The following PARPBP variants were observed in gnomAD, a reference collection of about 807,000 sequenced individuals.
PARPBP encodes PARP1 binding protein, also known as PCNA-interacting partner.
PARPBP carries 52 observed loss-of-function variants against 50.0 expected under a neutral mutation model. The ratio of observed to expected loss-of-function variants is 1.04; its 90% CI spans 0.83 to 1.31. The LOEUF (loss-of-function observed/expected upper bound fraction) is 1.31, where lower values mean the gene tolerates loss of function less well. Among genes scored for constraint, PARPBP ranks in the 50% most tolerant of loss-of-function variants. The pLI is 0.00. For missense variants in PARPBP, 697 were observed against 672.0 expected (o/e 1.04, Z -0.41); for synonymous variants, 244 against 232.1 (o/e 1.05, Z -0.47).
chr12:102,153,330 C>T (rs1349124101), intron 3 of PARPBP, among the ~76,000 whole-genome samples: 2 of 152,230 alleles, frequency 1.3e-5, no homozygotes, highest in African/African-American at 2.4e-5. Context: ...TCCCACGTGG[C>T]ATGGCCAGCC....
intron 6 of PARPBP, among the ~76,000 whole-genome samples, chr12:102,171,655 A>G (rs1033628664): frequency 9.2e-5 from 14 of 152,108 alleles, no homozygotes; most frequent in Admixed American, 5.9e-4. Flanking sequence ...TCACGAGGTC[A>G]GGAGATCGAG....
chr12:102,169,650 C>T (rs929441284), intron 6 of PARPBP, among the ~76,000 whole-genome samples: 2 of 152,118 alleles, frequency 1.3e-5, no homozygotes, highest in Admixed American at 1.3e-4. Flanking sequence ...TGGACCTTTT[C>T]ACGTGTCACT....
Position 102,123,981 on chromosome 12 carries a change from A to C in PARPBP, c.93A>C (p.Leu31=). 2 of 1,534,010 alleles carry C rather than the reference A, an allele frequency of 1.3e-6. No homozygotes were observed. Among genetic ancestry groups the C allele is most frequent in the South Asian group, 1.2e-5 (1 of 84,034 alleles). ...TTTGTAACTCTGAGAGAACTACTCT[A>C]TGTGGTGCAGACTCCATGCTCTTGG... is the stretch of plus-strand genomic sequence containing the variant. ...RALCNSERTT[L]CGADSMLLAL... The change falls in exon 2 of 11, where the codon CTA becomes CTC. Residue 31 remains leucine, a synonymous_variant. Transcript: ENST00000327680.
chr12:102,193,640 G>A (rs1891006172), intron 9 of PARPBP, among the ~76,000 whole-genome samples: 1 of 151,968 alleles, frequency 6.6e-6, no homozygotes, highest in Non-Finnish European at 1.5e-5. Context: ...AAAGTTCATG[G>A]ATAATGCTAC....
intron 3 of PARPBP, chr12:102,152,113 C>A: frequency 3.4e-6 from 1 of 297,118 alleles, no homozygotes; most frequent in Non-Finnish European, 6.5e-6. Flanking sequence ...GCTGCTTCCT[C>A]GCTCCTCTTC....
At chr12:102,190,691 G>A (rs1249046618) in intron 9 of PARPBP, among the ~76,000 whole-genome samples, 2 of 152,124 alleles carry the variant, frequency 1.3e-5, no homozygotes, top group African/African-American at 4.8e-5. Flanking sequence ...ACCCTGTAAG[G>A]AGGGGATGGC....
At chr12:102,140,443 T>C (rs1884391428) in intron 2 of PARPBP, among the ~76,000 whole-genome samples, 1 of 152,184 alleles carries the variant, frequency 6.6e-6, no homozygotes, top group Non-Finnish European at 1.5e-5. Context: ...AGCTCCTGGG[T>C]TCATTGATTT....
chr12:102,142,236 T>A (rs1594487298), intron 2 of PARPBP, among the ~76,000 whole-genome samples: 1 of 152,246 alleles, frequency 6.6e-6, no homozygotes, highest in African/African-American at 2.4e-5. Context: ...TTCATTAATT[T>A]GATCTTCAAT....
In PARPBP at chr12:102,182,699, G is replaced by C. The variant is rs1889946538; in HGVS notation, c.1263+72G>C. 9 of 985,296 alleles carry C rather than the reference G, an allele frequency of 9.1e-6. No individual in the cohort carries two copies. In the South Asian group the frequency reaches 1.2e-4, roughly 14 times the overall value. The allele number at this position is 985,296 out of a possible 1,614,324, so 61.0% of individuals were successfully genotyped here. A position where few individuals can be genotyped will look rare whatever the true frequency, so the allele number is the denominator to read the frequency against. On this transcript the variant is annotated intron_variant, in intron 9 of 10. Coordinates refer to ENST00000327680, the MANE Select transcript of PARPBP (RefSeq NM_017915.5). ...TTAGAAGAAATAAATACATGAAGCT[G>C]AGCTGGGTATTGTAAATATTGTAAA...
chr12:102,176,527 AT>A (rs555199332), intron 7 of PARPBP, among the ~76,000 whole-genome samples: 17 of 149,754 alleles, frequency 1.1e-4, no homozygotes, highest in Admixed American at 2.7e-4. Flanking sequence ...CTTATTCTTA[AT>A]TTTTTTTTTA....
intron 2 of PARPBP, among the ~76,000 whole-genome samples, chr12:102,139,481 T>G (rs1884207151): frequency 6.6e-6 from 1 of 152,238 alleles, no homozygotes; most frequent in African/African-American, 2.4e-5. Context: ...TATTTCTTTC[T>G]CCTGCCTGAT....
intron 9 of PARPBP, among the ~76,000 whole-genome samples, chr12:102,195,050 A>G (rs959707202): frequency 6.6e-6 from 1 of 151,352 alleles, no homozygotes; most frequent in African/African-American, 2.4e-5. Context: ...TCTAAAATTG[A>G]TTGTTTTGTA....
chr12:102,128,001 C>T (rs1882273245), intron 2 of PARPBP, among the ~76,000 whole-genome samples: 1 of 152,088 alleles, frequency 6.6e-6, no homozygotes, highest in South Asian at 2.1e-4. Flanking sequence ...ATATGCATTA[C>T]CTCACATTCT....
chr12:102,148,008 T>C (rs1318964462), intron 2 of PARPBP, among the ~76,000 whole-genome samples: 1 of 152,184 alleles, frequency 6.6e-6, no homozygotes, highest in Non-Finnish European at 1.5e-5. Flanking sequence ...TGTGCAAACT[T>C]GCCTTAGTTG....
Position 102,153,914 on chromosome 12 carries a change from G to A in PARPBP, c.433G>A (p.Asp145Asn), listed in dbSNP as rs1206880045. Reference protein sequence around the residue: ...FLSGKQYAVGDETDLSIPTSP... With the variant: ...FLSGKQYAVGNETDLSIPTSP... ...GTCTGGCAAACAGTATGCAGTAGGT[G>A]ATGAAACTGATCTTTCTATACCAAC... is the stretch of plus-strand genomic sequence containing the variant. The change falls in exon 4 of 11, where the codon GAT becomes AAT. Residue 145 changes from aspartate (D) to asparagine (N), a missense_variant. Physicochemically the swap from Asp to Asn is conservative, Grantham distance 23 (BLOSUM62 1). Transcript: ENST00000327680. The A allele has an allele frequency of 6.2e-7, 1 of 1,611,678 alleles. No individual in the cohort carries two copies. The highest frequency in any genetic ancestry group is 1.7e-5 in the Admixed American group (1 of 60,004).
At chr12:102,194,304 G>T (rs1891065002) in intron 9 of PARPBP, among the ~76,000 whole-genome samples, 2 of 151,846 alleles carry the variant, frequency 1.3e-5, no homozygotes, top group African/African-American at 4.8e-5. Flanking sequence ...TACTCGAAGT[G>T]TTACATTTTT....
chr12:102,153,709 T>C (rs1232622474), intron 3 of PARPBP, among the ~76,000 whole-genome samples, 160 bp from the exon 4 acceptor site: 1 of 152,228 alleles, frequency 6.6e-6, no homozygotes, highest in Non-Finnish European at 1.5e-5. Flanking sequence ...CCATGGGCAA[T>C]TACATTATGA....
rs757456401 is a variant in PARPBP, at chr12:102,195,982, A to G, written c.1431A>G (p.Thr477=). ...TAAATCCATCTGTTGGAAGATCAAC[A>G]ATTGGAACGAGTTTTGGAAATGTTC... is the stretch of plus-strand genomic sequence containing the variant. The part of the protein sequence containing the change: ...EGVNPSVGRS[T]IGTSFGNVHL... The change falls in exon 11 of 11, where the codon ACA becomes ACG. Residue 477 remains threonine, a synonymous_variant. Transcript: ENST00000327680. The G allele has an allele frequency of 1.2e-6, 2 of 1,605,870 alleles. No individual in the cohort carries two copies. The highest frequency in any genetic ancestry group is 1.7e-6 in the Non-Finnish European group (2 of 1,176,470).
intron 7 of PARPBP, among the ~76,000 whole-genome samples, chr12:102,177,372 G>A (rs1889383754): frequency 1.3e-5 from 2 of 152,184 alleles, no homozygotes; most frequent in Admixed American, 6.5e-5. Context: ...TTGTCATGGA[G>A]TTTAAGAAGA....
Sources: gnomAD v4.1 joint callset for allele counts (sites outside exome capture counted in the v4.1 genomes callset) on GRCh38, gnomAD v4.1.1 for gene constraint, MANE v1.5 for transcripts, NCBI Gene and HGNC (gene_info 2026-07-23, HGNC 2026-07-21) for gene names.